Variants in PARD3B observed in about 807,000 individuals in gnomAD.
PARD3B encodes the protein par-3 family cell polarity regulator beta, also known as partitioning defective 3 homolog B.
PARD3B carries 103 observed loss-of-function variants against 130.2 expected under a neutral mutation model. The observed-to-expected ratio is 0.79, with a 90% CI of 0.67 to 0.93. The LOEUF is 0.93. Ranked by LOEUF, PARD3B falls within the 40% of genes least tolerant of loss-of-function variation. PARD3B has a pLI of 0.00. For missense variants in PARD3B, 1,609 were observed against 1,499.2 expected (o/e 1.07, Z -1.21); for synonymous variants, 583 against 553.2 (o/e 1.05, Z -0.76).
rs1160119076 is a variant in PARD3B at position 205,128,429 on chromosome 2, C to T, written c.1434+2692C>T. On this transcript the variant is annotated intron_variant, in intron 10 of 22. Coordinates refer to ENST00000406610, the MANE Select transcript of PARD3B (RefSeq NM_001302769.2). The surrounding 1 kb of genome is among the most constrained non-coding windows in gnomAD (Gnocchi z 4.5). ...CTCTGAATTCATTCCTCATCAAAGG[C>T]AATTATATCTGGAAGTTAGCAACTG... 3.9e-5 allele frequency among the ~76,000 whole-genome samples: 6 copies of T among 152,192 alleles called. No individual in the cohort carries two copies. In the East Asian group the frequency reaches 9.6e-4, roughly 24 times the overall value.
At chr2:204,688,329 T>C (rs1032611600) in intron 2 of PARD3B, among the ~76,000 whole-genome samples, 2 of 152,000 alleles carry the variant, frequency 1.3e-5, no homozygotes. Context: ...CCTGTAATCC[T>C]AGCACTTTGG....
chr2:205,185,628 T>C, intron 13 of PARD3B, 136 bp from the exon 14 acceptor site: 1 of 645,534 alleles, frequency 1.5e-6, no homozygotes, highest in Non-Finnish European at 2.8e-6. Context: ...CCTTCAGTTC[T>C]GTATGAGAAC....
chr2:205,528,010 T>C (rs2051412578), intron 21 of PARD3B, among the ~76,000 whole-genome samples: 1 of 152,178 alleles, frequency 6.6e-6, no homozygotes, highest in Non-Finnish European at 1.5e-5. Flanking sequence ...TCAGGATTCT[T>C]ACTCATCCAC....
intron 15 of PARD3B, among the ~76,000 whole-genome samples, chr2:205,236,191 T>A (rs189074693): frequency 1.3e-5 from 2 of 152,276 alleles, no homozygotes; most frequent in Non-Finnish European, 2.9e-5. Context: ...GAAACTGAAT[T>A]ATAGCTAAAT....
At chr2:205,379,458 ATAT>A (rs568452103) in intron 18 of PARD3B, among the ~76,000 whole-genome samples, 206 of 152,100 alleles carry the variant, frequency 1.4e-3, no homozygotes, top group Admixed American at 2.5e-3. Flanking sequence ...ATGAAGTCTA[ATAT>A]TATTATATTT....
At position 205,405,355 on chromosome 2, in the gene PARD3B, C is replaced by T. The variant is rs2046384298; in HGVS notation, c.2741+4232C>T. On this transcript the variant is annotated intron_variant, in intron 19 of 22. Coordinates refer to ENST00000406610, the MANE Select transcript of PARD3B (RefSeq NM_001302769.2). This position sits in a 1 kb window ranked among gnomAD's most constrained non-coding sequence, Gnocchi z 4.1. ...TACAATGCACAGGACAGCTACCCTC[C>T]CCCACAACATGAATCATCCAACCCA... Among the ~76,000 whole-genome samples the T allele has an allele frequency of 6.6e-6, 1 of 152,140 alleles. No homozygotes were observed. Among genetic ancestry groups the T allele is most frequent in the Non-Finnish European group, 1.5e-5 (1 of 68,032 alleles).
intron 3 of PARD3B, among the ~76,000 whole-genome samples, chr2:205,012,469 A>G (rs980156470): frequency 2.0e-5 from 3 of 152,206 alleles, no homozygotes; most frequent in African/African-American, 7.2e-5. Flanking sequence ...TGAGATGAGA[A>G]TAGAATGGAT....
At chr2:204,981,654 C>G (rs1225827509) in intron 3 of PARD3B, among the ~76,000 whole-genome samples, 1 of 152,208 alleles carries the variant, frequency 6.6e-6, no homozygotes, top group African/African-American at 2.4e-5. Context: ...TTAAAACTTT[C>G]TATTCTCATT....
chr2:205,036,791 G>A (rs192121870), intron 3 of PARD3B, among the ~76,000 whole-genome samples: 5,577 of 146,674 alleles, frequency 0.038, 103 homozygotes, highest in Middle Eastern at 0.13. Context: ...TATACACAGC[G>A]GACTGTATGT....
chr2:204,564,791 A>G (rs2031569715), intron 1 of PARD3B, among the ~76,000 whole-genome samples: 1 of 152,226 alleles, frequency 6.6e-6, no homozygotes, highest in Admixed American at 6.5e-5. Context: ...TCATACAGAT[A>G]TGTAGTTGGA....
Position 204,887,685 on chromosome 2 carries a change from T to A in PARD3B, c.223-77467T>A, listed in dbSNP as rs1291971373. On this transcript the variant is annotated intron_variant, in intron 2 of 22. Transcript: ENST00000406610. This position sits in a 1 kb window ranked among gnomAD's most constrained non-coding sequence, Gnocchi z 4.2. ...TATATGCAGCGCCATTTCATACCCTTTGGGTATTTTAGCAATTTGAAATCA... is the reference window on the plus strand; with the variant it reads ...TATATGCAGCGCCATTTCATACCCTATGGGTATTTTAGCAATTTGAAATCA... Among the ~76,000 whole-genome samples the A allele has an allele frequency of 6.6e-6, 1 of 152,066 alleles. No homozygotes were observed. The highest frequency in any genetic ancestry group is 1.5e-5 in the Non-Finnish European group (1 of 68,014).
At chr2:204,848,507 T>C (rs2044561004) in intron 2 of PARD3B, among the ~76,000 whole-genome samples, 1 of 152,036 alleles carries the variant, frequency 6.6e-6, no homozygotes, top group Non-Finnish European at 1.5e-5. Context: ...TAGCTGGGTG[T>C]GTGGTACATG....
chr2:204,672,318 G>C (rs1034981270), intron 1 of PARD3B, among the ~76,000 whole-genome samples: 1 of 152,190 alleles, frequency 6.6e-6, no homozygotes, highest in South Asian at 2.1e-4. Flanking sequence ...TGTCTGCACA[G>C]GCTTTTCATA....
At chr2:204,739,450 TTATTA>T (rs1574858735) in intron 2 of PARD3B, among the ~76,000 whole-genome samples, 1 of 152,048 alleles carries the variant, frequency 6.6e-6, no homozygotes, top group East Asian at 1.9e-4. Flanking sequence ...ATCATCTCTA[TTATTA>T]TATTATTATT....
At chr2:205,198,608 C>T (rs1329072958) in intron 15 of PARD3B, among the ~76,000 whole-genome samples, 1 of 152,064 alleles carries the variant, frequency 6.6e-6, no homozygotes, top group African/African-American at 2.4e-5. Context: ...ATTTGAGATA[C>T]ATTTTGAATA....
intron 18 of PARD3B, among the ~76,000 whole-genome samples, chr2:205,338,577 C>T (rs975031592): frequency 6.6e-6 from 1 of 152,122 alleles, no homozygotes; most frequent in African/African-American, 2.4e-5. Flanking sequence ...AAATCCATTT[C>T]ATAATTTTGT....
At chr2:205,342,113 G>A (rs141894219) in intron 18 of PARD3B, among the ~76,000 whole-genome samples, 21 of 152,214 alleles carry the variant, frequency 1.4e-4, no homozygotes, top group Non-Finnish European at 2.1e-4. Context: ...GACAGAAAAT[G>A]TTTCTGTATG....
At chr2:204,650,423 T>C (rs989910368) in intron 1 of PARD3B, among the ~76,000 whole-genome samples, 1 of 152,154 alleles carries the variant, frequency 6.6e-6, no homozygotes, top group Admixed American at 6.5e-5. Flanking sequence ...ATATAAATCA[T>C]TCTGCCATAA....
intron 10 of PARD3B, among the ~76,000 whole-genome samples, chr2:205,157,658 C>T (rs1239503462): frequency 6.6e-6 from 1 of 152,076 alleles, no homozygotes; most frequent in East Asian, 1.9e-4. Flanking sequence ...ACATAAGAGT[C>T]CCTTCAATGT....
Sources: allele counts gnomAD v4.1 joint callset (sites outside exome capture counted in the v4.1 genomes callset), GRCh38; gene constraint gnomAD v4.1.1; non-coding constraint Gnocchi (gnomAD v3.1); transcripts MANE v1.5; gene names NCBI Gene and HGNC (gene_info 2026-07-23, HGNC 2026-07-21).